CPQ: variants seen among roughly 807,000 people sequenced by gnomAD.
CPQ encodes the protein Ser-Met dipeptidase.
In CPQ, 37 loss-of-function variants were observed where a neutral mutation model predicts 45.7. The ratio of observed to expected loss-of-function variants is 0.81; its 90% CI spans 0.62 to 1.07. The LOEUF (loss-of-function observed/expected upper bound fraction) is 1.07, where lower values mean the gene tolerates loss of function less well. Ranked by LOEUF, CPQ falls within the 50% of genes least tolerant of loss-of-function variation. The pLI, the probability that CPQ is intolerant of heterozygous loss-of-function variation, is 0.00. For synonymous variants in CPQ, 186 were observed against 205.8 expected (o/e 0.90, Z 0.82); for missense variants, 537 against 572.9 (o/e 0.94, Z 0.64).
At chr8:97,129,148 CA>C (rs1196052544) in intron 7 of CPQ, among the ~76,000 whole-genome samples, 1 of 152,106 alleles carries the variant, frequency 6.6e-6, no homozygotes, top group Non-Finnish European at 1.5e-5. Flanking sequence ...GAAGGGATTT[CA>C]AAAAGCACAG....
chr8:96,862,284 TTGTGTGTG>T (rs34611818), intron 3 of CPQ, among the ~76,000 whole-genome samples: 9 of 141,092 alleles, frequency 6.4e-5, no homozygotes, highest in Admixed American at 2.8e-4. Context: ...ATTTTTGCAT[TTGTGTGTG>T]TGTGTGTGTG....
intron 4 of CPQ, among the ~76,000 whole-genome samples, chr8:96,955,030 A>C (rs974596381): frequency 1.3e-5 from 2 of 152,038 alleles, no homozygotes; most frequent in Admixed American, 6.6e-5. Flanking sequence ...CAAGTCTTTG[A>C]TATTGTGAAT....
chr8:97,098,147 A>G (rs923606515), intron 7 of CPQ, among the ~76,000 whole-genome samples: 7 of 152,184 alleles, frequency 4.6e-5, no homozygotes, highest in African/African-American at 1.7e-4. Flanking sequence ...TACATAAAGA[A>G]TGCAGTCTTC....
At chr8:96,973,635 T>C (rs1563543380) in intron 5 of CPQ, among the ~76,000 whole-genome samples, 1 of 152,150 alleles carries the variant, frequency 6.6e-6, no homozygotes, top group Non-Finnish European at 1.5e-5. Context: ...TCAGGTAACC[T>C]ATAAAGGGAA....
intron 4 of CPQ, among the ~76,000 whole-genome samples, chr8:96,965,598 T>TG (rs1195647582): frequency 1.3e-5 from 2 of 152,114 alleles, no homozygotes; most frequent in Non-Finnish European, 2.9e-5. Flanking sequence ...CTTGATCTCC[T>TG]GACCTCGTGA....
chr8:96,646,290 G>A (rs531860757), intron 1 of CPQ, among the ~76,000 whole-genome samples: 1 of 152,144 alleles, frequency 6.6e-6, no homozygotes, highest in South Asian at 2.1e-4. Context: ...AACAAAATAT[G>A]CCTAGGTTTT....
chr8:96,860,412 G>C (rs970427197), intron 3 of CPQ, among the ~76,000 whole-genome samples: 2 of 152,026 alleles, frequency 1.3e-5, no homozygotes, highest in African/African-American at 4.8e-5. Flanking sequence ...TATTTATATT[G>C]GCAATTTTCC....
At chr8:96,784,399 T>TGGGG (rs148121237) in intron 1 of CPQ, among the ~76,000 whole-genome samples, 14 of 128,278 alleles carry the variant, frequency 1.1e-4, no homozygotes, top group African/African-American at 3.8e-4. Flanking sequence ...TGTTCTGAGG[T>TGGGG]GGGGGGGGGG....
intron 1 of CPQ, among the ~76,000 whole-genome samples, chr8:96,705,249 T>G (rs10504966): frequency 0.27 from 40,911 of 152,074 alleles, 5,891 homozygotes; most frequent in East Asian, 0.59. Flanking sequence ...TTTTCTTGTC[T>G]TTTTCTTCTA....
intron 7 of CPQ, among the ~76,000 whole-genome samples, chr8:97,071,041 A>C (rs1810732717): frequency 6.6e-6 from 1 of 152,050 alleles, no homozygotes; most frequent in South Asian, 2.1e-4. Flanking sequence ...GAATGAGCCC[A>C]CTCTTACTCT....
At chr8:96,911,861 C>T (rs1231650020) in intron 4 of CPQ, among the ~76,000 whole-genome samples, 1 of 152,090 alleles carries the variant, frequency 6.6e-6, no homozygotes, top group East Asian at 1.9e-4. Flanking sequence ...TATAAAGCAG[C>T]CCAGAAGCAG....
intron 1 of CPQ, among the ~76,000 whole-genome samples, chr8:96,776,426 A>T (rs987999935): frequency 6.6e-6 from 1 of 152,194 alleles, no homozygotes; most frequent in Non-Finnish European, 1.5e-5. Flanking sequence ...TAACTGTCAC[A>T]ATAAAAGATC....
chr8:97,083,432 G>A (rs1463776038), intron 7 of CPQ, among the ~76,000 whole-genome samples: 1 of 152,128 alleles, frequency 6.6e-6, no homozygotes, highest in Non-Finnish European at 1.5e-5. Flanking sequence ...AAAGAGTGAT[G>A]GAGCTACTAG....
intron 6 of CPQ, among the ~76,000 whole-genome samples, chr8:97,053,119 G>A (rs116652038): frequency 1.3e-3 from 205 of 152,100 alleles, no homozygotes; most frequent in African/African-American, 3.7e-3. Flanking sequence ...TTACATGCTC[G>A]CATGGGTTCA....
intron 1 of CPQ, among the ~76,000 whole-genome samples, chr8:96,737,327 T>C (rs868774104): frequency 0.019 from 2,348 of 122,280 alleles, 103 homozygotes; most frequent in African/African-American, 0.065. Flanking sequence ...TATATATATA[T>C]ACACACACTC....
At chr8:96,678,978 A>G (rs2130727139) in intron 1 of CPQ, among the ~76,000 whole-genome samples, 1 of 152,060 alleles carries the variant, frequency 6.6e-6, no homozygotes, top group Middle Eastern at 3.4e-3. Context: ...TCTTAGCCAT[A>G]AAAATCTAAT....
At chr8:96,648,032 G>A (rs373669704) in intron 1 of CPQ, among the ~76,000 whole-genome samples, 3 of 152,176 alleles carry the variant, frequency 2.0e-5, no homozygotes. Flanking sequence ...GCCTACATCT[G>A]TGTAATCCAG....
chr8:96,966,186 C>T (rs1268488563), intron 5 of CPQ, 140 bp downstream of exon 5: 5 of 578,128 alleles, frequency 8.6e-6, no homozygotes, highest in Admixed American at 3.6e-5. Flanking sequence ...AGAAAAGAAA[C>T]AACTTATGCT....
intron 1 of CPQ, among the ~76,000 whole-genome samples, chr8:96,702,171 C>T (rs1253416988): frequency 1.3e-5 from 2 of 152,162 alleles, no homozygotes; most frequent in Non-Finnish European, 2.9e-5. Context: ...TTGTCTTTGG[C>T]AGTAGCCAGT....
Sources: allele counts gnomAD v4.1 joint callset (sites outside exome capture counted in the v4.1 genomes callset), GRCh38; gene constraint gnomAD v4.1.1; transcripts MANE v1.5; gene names NCBI Gene and HGNC (gene_info 2026-07-23, HGNC 2026-07-21).